ZFP14: variants seen among roughly 807,000 people sequenced by gnomAD.
The protein encoded by ZFP14 is ZFP14 zinc finger protein, also known as zinc finger protein 14 homolog.
A neutral mutation model predicts 54.5 loss-of-function variants in ZFP14; 22 were observed. The ratio of observed to expected loss-of-function variants is 0.40; its 90% confidence interval spans 0.29 to 0.58. The LOEUF (loss-of-function observed/expected upper bound fraction) is 0.58. Among genes scored for constraint, ZFP14 ranks in the 20% least tolerant of loss-of-function variants. ZFP14 has a pLI of 0.39. For synonymous variants in ZFP14, 159 were observed against 204.0 expected, an observed-to-expected ratio of 0.78 and a Z score of 1.88; for missense variants, 470 against 637.8, an observed-to-expected ratio of 0.74 and a Z score of 2.83.
chr19:36,375,384 AT>A (rs747537579), intron 1 of ZFP14, among the ~76,000 whole-genome samples: 43,462 of 128,700 alleles, frequency 0.34, 5,970 homozygotes, highest in African/African-American at 0.38. Context: ...GCAGGAAGGA[AT>A]TTTTTTTTTT....
chr19:36,357,408 G>A (rs1345642721), intron 4 of ZFP14, among the ~76,000 whole-genome samples: 1 of 152,174 alleles, frequency 6.6e-6, no homozygotes, highest in Non-Finnish European at 1.5e-5. Context: ...CAAGTCATAA[G>A]TTGGGACACT....
intron 2 of ZFP14, among the ~76,000 whole-genome samples, chr19:36,363,457 A>G (rs945115930): frequency 9.2e-5 from 14 of 151,442 alleles, no homozygotes; most frequent in African/African-American, 3.4e-4. Context: ...GGCTTCCCAA[A>G]GTGCTGGGAT....
chr19:36,378,978 C>T (rs2145568503), intron 1 of ZFP14, 185 bp downstream of exon 1: 1 of 152,386 alleles, frequency 6.6e-6, no homozygotes, highest in Middle Eastern at 3.4e-3. Context: ...GTATCTAACT[C>T]GGAGCCATTC....
intron 4 of ZFP14, among the ~76,000 whole-genome samples, chr19:36,359,130 A>T (rs2031668009): frequency 6.6e-6 from 1 of 152,214 alleles, no homozygotes; most frequent in African/African-American, 2.4e-5. Flanking sequence ...CTGAATTTCA[A>T]GGTATTCTGT....
chr19:36,347,928 C>T (rs745801856), intron 4 of ZFP14, among the ~76,000 whole-genome samples: 3 of 151,752 alleles, frequency 2.0e-5, no homozygotes, highest in Non-Finnish European at 4.4e-5. Context: ...TGTGGTGGCA[C>T]GTGCCTGTAA....
chr19:36,368,271 C>A (rs2031825946), intron 1 of ZFP14, among the ~76,000 whole-genome samples: 3 of 152,276 alleles, frequency 2.0e-5, no homozygotes, highest in African/African-American at 7.2e-5. Flanking sequence ...GAGTTCGAGA[C>A]CAGCCTGACC....
chr19:36,349,671 CAAA>C lies in ZFP14; in HGVS notation c.236-8084_236-8082del, dbSNP rs11308808. Among the ~76,000 whole-genome samples, 46 of 133,924 alleles carry C rather than the reference CAAA, an allele frequency of 3.4e-4. 1 individual carries two copies. Among genetic ancestry groups the C allele is most frequent in the Admixed American group, 7.4e-4 (10 of 13,602 alleles). The allele number at this position is 133,924 out of a possible 152,430, so 87.9% of individuals were successfully genotyped here. A position where few individuals can be genotyped will look rare whatever the true frequency, so the allele number is the denominator to read the frequency against. On this transcript the variant is annotated intron_variant, in intron 4 of 4. Transcript: ENST00000270001. ...CGCAGAGCAAGACTCTGTCTCAAAA[CAAA>C]AAAAAAATATATATATATATAATAT...
chr19:36,376,941 A>T (rs73608308), intron 1 of ZFP14, among the ~76,000 whole-genome samples: 1,641 of 152,252 alleles, frequency 0.011, 29 homozygotes, highest in African/African-American at 0.037. Flanking sequence ...AACCCATACG[A>T]CTGTCACTGT....
intron 1 of ZFP14, among the ~76,000 whole-genome samples, chr19:36,369,119 G>C (rs1307235708): frequency 2.6e-5 from 4 of 152,220 alleles, no homozygotes; most frequent in Admixed American, 2.0e-4. Flanking sequence ...TGGGATTACA[G>C]GCGTGAGCCA....
At chr19:36,354,074 C>CAA (rs34807802) in intron 4 of ZFP14, among the ~76,000 whole-genome samples, 1,121 of 85,782 alleles carry the variant, frequency 0.013, 73 homozygotes, top group Middle Eastern at 0.061. Context: ...GACCCTGTCT[C>CAA]AAAAAAAAAA....
At position 36,367,919 on chromosome 19, in the gene ZFP14, G is replaced by T; in HGVS notation, c.-27C>A. On this transcript the variant is annotated 5_prime_UTR_variant, in exon 2 of 5. In the 5' UTR this introduces an upstream ATG that the reference lacks. Coordinates refer to ENST00000270001, the MANE Select transcript of ZFP14 (RefSeq NM_020917.3). ...GTTTTAGAACTGCAAAAACTGGTCA[G>T]TCCTTTTCAAGATTTCTCTGTTGGA... is the stretch of plus-strand genomic sequence containing the variant. 6.2e-7 allele frequency: 1 copy of T among 1,605,968 alleles called. No homozygotes were observed. Among genetic ancestry groups the T allele is most frequent in the Admixed American group, 1.7e-5 (1 of 59,508 alleles).
chr19:36,369,455 G>A (rs992303739), intron 1 of ZFP14, among the ~76,000 whole-genome samples: 8 of 152,012 alleles, frequency 5.3e-5, no homozygotes, highest in African/African-American at 1.7e-4. Flanking sequence ...CTGTCACCCA[G>A]GCTGAACTGC....
At chr19:36,371,876 T>C (rs1373234122) in intron 1 of ZFP14, among the ~76,000 whole-genome samples, 1 of 151,326 alleles carries the variant, frequency 6.6e-6, no homozygotes, top group Non-Finnish European at 1.5e-5. Flanking sequence ...AAGGATCACT[T>C]GGACCCAGAA....
In ZFP14 at chr19:36,340,118, C is replaced by G. The variant is rs764078433; in HGVS notation, c.*106G>C. 1.7e-6 allele frequency: 2 copies of G among 1,208,098 alleles called. No homozygotes were observed. Among genetic ancestry groups the G allele is most frequent in the Non-Finnish European group, 2.2e-6 (2 of 904,724 alleles). The allele number at this position is 1,208,098 out of a possible 1,614,324, so 74.8% of individuals were successfully genotyped here. On this transcript the variant is annotated 3_prime_UTR_variant, in exon 5 of 5. Coordinates refer to ENST00000270001, the MANE Select transcript of ZFP14 (RefSeq NM_020917.3). The surrounding 1 kb of genome is among the most constrained non-coding windows in gnomAD (Gnocchi z 5.4). ...GCTTTTAAATCAACATATTCTTTCT[C>G]TAATATAAAATTTATTATGCTTGGA...
At chr19:36,366,080 C>T (rs2031789765) in intron 2 of ZFP14, among the ~76,000 whole-genome samples, 1 of 151,570 alleles carries the variant, frequency 6.6e-6, no homozygotes, top group African/African-American at 2.4e-5. Context: ...GCCTGGCCGA[C>T]ATGGTGAAAC....
At position 36,341,239 on chromosome 19, in the gene ZFP14, C is replaced by A; in HGVS notation, c.587G>T (p.Gly196Val). 1.2e-6 allele frequency: 2 copies of A among 1,614,156 alleles called. No homozygotes were observed. The highest frequency in any genetic ancestry group is 1.7e-6 in the Non-Finnish European group (2 of 1,180,032). ...TLSQHLRIHTGEKPYKCKECG... is the reference protein window; with the variant it reads ...TLSQHLRIHTVEKPYKCKECG... The stretch of plus-strand genomic sequence containing the variant: ...TTCCTTACACTTATAAGGTTTCTCA[C>A]CAGTATGAATTCTCAGGTGTTGACT... The change falls in exon 5 of 5, where the codon GGT (glycine) becomes GTT (valine). Residue 196 changes from glycine (G) to valine (V), a missense_variant. By Grantham distance (109) the Gly-to-Val change is moderately radical. Transcript: ENST00000270001. This position sits in a 1 kb window ranked among gnomAD's most constrained non-coding sequence, Gnocchi z 4.2.
chr19:36,357,100 C>T (rs574634691), intron 4 of ZFP14, among the ~76,000 whole-genome samples: 3 of 152,124 alleles, frequency 2.0e-5, no homozygotes, highest in Non-Finnish European at 2.9e-5. Context: ...TGGAGTGCAG[C>T]GGTGTGATCT....
intron 3 of ZFP14, among the ~76,000 whole-genome samples, chr19:36,360,940 GATA>G (rs772960997): frequency 2.6e-5 from 4 of 152,112 alleles, no homozygotes; most frequent in Admixed American, 2.0e-4. Context: ...ATAAAATGAA[GATA>G]ATAATATCTT....
chr19:36,359,326 T>C (rs890903786), intron 4 of ZFP14, among the ~76,000 whole-genome samples: 3 of 152,218 alleles, frequency 2.0e-5, no homozygotes, highest in Non-Finnish European at 4.4e-5. Context: ...ATGCTTTTTT[T>C]GTAATGTCTT....
Sources: gnomAD v4.1 joint callset for allele counts (sites outside exome capture counted in the v4.1 genomes callset) on GRCh38, gnomAD v4.1.1 for gene constraint, Gnocchi (gnomAD v3.1) non-coding constraint, MANE v1.5 for transcripts, NCBI Gene and HGNC (gene_info 2026-07-23, HGNC 2026-07-21) for gene names.